The following SNX25 variants were observed in gnomAD, a reference collection of about 807,000 sequenced individuals.
The protein encoded by SNX25 is sorting nexin 25.
Under a neutral mutation model 113.7 loss-of-function variants are expected in SNX25, and 62 were observed. The ratio of observed to expected loss-of-function variants is 0.55; its 90% CI spans 0.44 to 0.67. The LOEUF is 0.67. Ranked by LOEUF, SNX25 falls within the 30% of genes least tolerant of loss-of-function variation. SNX25 has a pLI of 0.00. For synonymous variants in SNX25, 421 were observed against 436.2 expected (o/e 0.97, Z 0.43); for missense variants, 1,014 against 1,161.0 (o/e 0.87, Z 1.84).
chr4:185,225,702 A>G (rs3112907), intron 1 of SNX25, among the ~76,000 whole-genome samples: 99,331 of 152,024 alleles, frequency 0.65, 32,561 homozygotes, highest in East Asian at 0.76. Context: ...TGCTGTTTGC[A>G]GGTGTATTAA....
At chr4:185,208,958 G>A (rs1240154413), upstream of SNX25, among the ~76,000 whole-genome samples, 1 of 152,148 alleles carries the variant, frequency 6.6e-6, no homozygotes, top group African/African-American at 2.4e-5. Flanking sequence ...TCCTTTGCGT[G>A]GCTGATAGCA....
chr4:185,342,383 C>A (rs762052703), intron 12 of SNX25, among the ~76,000 whole-genome samples: 1 of 152,226 alleles, frequency 6.6e-6, no homozygotes, highest in African/African-American at 2.4e-5. Flanking sequence ...AGGTATCTCA[C>A]AACTGGCAGC....
At chr4:185,377,943 G>A in the SNX25 span, 1 of 687,556 alleles carries the variant, frequency 1.5e-6, no homozygotes, top group Non-Finnish European at 2.3e-6. Flanking sequence ...GATTCTTGCG[G>A]GAAAACTCAA....
chr4:185,263,224 G>T (rs994545055), intron 3 of SNX25, among the ~76,000 whole-genome samples: 4 of 152,060 alleles, frequency 2.6e-5, no homozygotes, highest in African/African-American at 9.7e-5. Flanking sequence ...AGCTTCTCTT[G>T]TAAAAGTGGT....
chr4:185,350,127 A>G (rs2095307958), intron 13 of SNX25, among the ~76,000 whole-genome samples: 1 of 152,016 alleles, frequency 6.6e-6, no homozygotes, highest in Admixed American at 6.5e-5. Flanking sequence ...GGGTACGTGA[A>G]TGCTGATGGT....
intron 1 of SNX25, among the ~76,000 whole-genome samples, chr4:185,218,232 C>A (rs1579322394): frequency 6.6e-6 from 1 of 152,174 alleles, no homozygotes; most frequent in African/African-American, 2.4e-5. Context: ...TTACAGGCGC[C>A]CGCCATCAAG....
chr4:185,210,351 C>G lies in SNX25; in HGVS notation c.429+96C>G, dbSNP rs1200996827. 23 of 984,460 alleles carry G rather than the reference C, an allele frequency of 2.3e-5. No individual in the cohort carries two copies. Among genetic ancestry groups the G allele is most frequent in the African/African-American group, 3.5e-5 (2 of 57,124 alleles). 61.0% of individuals were successfully genotyped at this position (984,460 alleles called of 1,614,324 possible). A position where few individuals can be genotyped will look rare whatever the true frequency, so the allele number is the denominator to read the frequency against. On this transcript the variant is annotated intron_variant, in intron 1 of 18. Coordinates refer to ENST00000652585, the MANE Select transcript of SNX25 (RefSeq NM_001378034.2). This position sits in a 1 kb window ranked among gnomAD's most constrained non-coding sequence, Gnocchi z 4.4. The stretch of plus-strand genomic sequence containing the variant: ...GAGCTCCGGGGGGCCGCGGCATGCC[C>G]TTGTCGAAGCGGGAAGCCGGGAGCC...
At chr4:185,278,940 A>G (rs1436945066) in intron 5 of SNX25, among the ~76,000 whole-genome samples, 1 of 152,154 alleles carries the variant, frequency 6.6e-6, no homozygotes, top group Admixed American at 6.5e-5. Flanking sequence ...TCTAAAAGGC[A>G]CCAGCTAGCC....
intron 1 of SNX25, among the ~76,000 whole-genome samples, chr4:185,222,317 G>A (rs1382536546): frequency 6.7e-6 from 1 of 150,356 alleles, no homozygotes; most frequent in Non-Finnish European, 1.5e-5. Context: ...CTCGTTCACT[G>A]TAGGTATACA....
At chr4:185,309,670 A>G (rs1453512771) in intron 6 of SNX25, among the ~76,000 whole-genome samples, 2 of 152,032 alleles carry the variant, frequency 1.3e-5, no homozygotes, top group Non-Finnish European at 2.9e-5. Flanking sequence ...TGTCCTCTCT[A>G]CTGGCCTGCC....
intron 5 of SNX25, among the ~76,000 whole-genome samples, chr4:185,280,914 C>G (rs1750475382): frequency 2.0e-5 from 3 of 152,204 alleles, no homozygotes; most frequent in Non-Finnish European, 4.4e-5. Flanking sequence ...ATCTATCTTG[C>G]AGCTTTCAGG....
intron 4 of SNX25, among the ~76,000 whole-genome samples, chr4:185,265,078 C>T (rs764007597): frequency 1.7e-4 from 26 of 152,106 alleles, no homozygotes; most frequent in Middle Eastern, 3.4e-3. Flanking sequence ...GTGATCCTCC[C>T]ACTTAGGCCT....
chr4:185,256,603 C>T (rs993097081), intron 2 of SNX25, among the ~76,000 whole-genome samples: 63 of 151,474 alleles, frequency 4.2e-4, no homozygotes, highest in African/African-American at 1.4e-3. Flanking sequence ...ATCCCTCCCC[C>T]CAGAGAGCTC....
intron 1 of SNX25, among the ~76,000 whole-genome samples, chr4:185,211,546 C>A (rs2111470151): frequency 6.6e-6 from 1 of 152,208 alleles, no homozygotes; most frequent in South Asian, 2.1e-4. Flanking sequence ...TGTCTTAGTT[C>A]TTGAGTACTG....
the SNX25 span, chr4:185,378,585 C>G: frequency 1.7e-5 from 17 of 1,000,144 alleles, no homozygotes; most frequent in African/African-American, 2.9e-4. Context: ...CTTCTCTGCC[C>G]TTGTAACTGA....
At chr4:185,323,371 A>G (rs1303322184) in intron 8 of SNX25, among the ~76,000 whole-genome samples, 157 bp from the exon 9 acceptor site, 2 of 151,764 alleles carry the variant, frequency 1.3e-5, no homozygotes, top group Admixed American at 1.3e-4. Flanking sequence ...AGGATCTGAC[A>G]TTTGCTCCTT....
intron 7 of SNX25, among the ~76,000 whole-genome samples, chr4:185,312,364 A>G (rs1333866696): frequency 1.3e-5 from 2 of 152,328 alleles, no homozygotes; most frequent in African/African-American, 4.8e-5. Context: ...CCTAGTCAAA[A>G]GATGATATGC....
At chr4:185,276,657 G>A (rs575719204) in intron 5 of SNX25, among the ~76,000 whole-genome samples, 5 of 152,146 alleles carry the variant, frequency 3.3e-5, no homozygotes, top group Non-Finnish European at 7.4e-5. Context: ...GCAACATAGT[G>A]AGACCTTGTC....
chr4:185,267,071 G>C lies in SNX25; in HGVS notation c.1007G>C (p.Arg336Thr), dbSNP rs771078798. 2 of 1,613,856 alleles carry C rather than the reference G, an allele frequency of 1.2e-6. No homozygotes were observed. Among genetic ancestry groups the C allele is most frequent in the African/African-American group, 1.3e-5 (1 of 74,864 alleles). ...YREQMNEHHK[R>T]AYTYAPSYED... ...GAGCAAATGAATGAGCATCACAAGA[G>C]AGCCTACACCTATGCCCCCTCTTAC... The change falls in exon 5 of 19, where the codon AGA becomes ACA. Residue 336 changes from arginine to threonine, a missense_variant. Arg to Thr is a moderately conservative substitution (Grantham distance 71). Coordinates refer to ENST00000652585, the MANE Select transcript of SNX25 (RefSeq NM_001378034.2).
Sources: gnomAD v4.1 joint callset for allele counts (sites outside exome capture counted in the v4.1 genomes callset) on GRCh38, gnomAD v4.1.1 for gene constraint, Gnocchi (gnomAD v3.1) non-coding constraint, MANE v1.5 for transcripts, NCBI Gene and HGNC (gene_info 2026-07-23, HGNC 2026-07-21) for gene names.